TCF20: variants seen among roughly 807,000 people sequenced by gnomAD.
The protein encoded by TCF20 is SPRE-binding protein.
TCF20 carries 3 observed loss-of-function variants against 148.6 expected under a neutral mutation model. That is an observed-to-expected ratio of 0.02 (90% CI 0.01 to 0.05). TCF20 has a LOEUF of 0.05. Among genes scored for constraint, TCF20 ranks in the 10% least tolerant of loss-of-function variants. The probability of loss-of-function intolerance (pLI) is 1.00; values close to 1 mark genes in which losing one functional copy is unlikely to be tolerated. For synonymous variants in TCF20, 1,049 were observed against 909.5 expected (o/e 1.15, Z -2.76); for missense variants, 2,350 against 2,429.3 (o/e 0.97, Z 0.69).
chr22:42,175,753 AAG>A (rs1936409505), intron 3 of TCF20, among the ~76,000 whole-genome samples: 1 of 152,276 alleles, frequency 6.6e-6, no homozygotes, highest in South Asian at 2.1e-4. Flanking sequence ...TGGAGGAAAA[AAG>A]AGAACAGAAG....
intron 1 of TCF20, among the ~76,000 whole-genome samples, chr22:42,236,167 T>G (rs984291676): frequency 4.0e-5 from 6 of 151,686 alleles, no homozygotes; most frequent in African/African-American, 1.5e-4. Flanking sequence ...GACAGTGAGA[T>G]TCCACTTCAA....
rs990419091 is a variant in TCF20 at position 42,163,694 on chromosome 22, G to T, written c.*45-2336C>A. Among the ~76,000 whole-genome samples the T allele has an allele frequency of 2.0e-5, 3 of 152,220 alleles. No homozygotes were observed. The East Asian group carries it at 5.8e-4, about 29-fold the overall frequency. ...GTATGCTAGGGCATGGGGTGTGGCT[G>T]AGAGACGGCTGGGTCCCCGACAGTG... On this transcript the variant is annotated intron_variant, in intron 5 of 5. Transcript: ENST00000677622.
Position 42,292,052 on chromosome 22 carries a change from C to G in TCF20, c.-37+51427G>C, listed in dbSNP as rs1035140812. Among the ~76,000 whole-genome samples the G allele has an allele frequency of 2.6e-5, 4 of 152,076 alleles. No homozygotes were observed. The highest frequency in any genetic ancestry group is 7.2e-5 in the African/African-American group (3 of 41,392). ...TCTCTGACCTGGGTAAAAGCAGGCA[C>G]CTCTCACACACCACCCCTCGTATGA... On this transcript the variant is annotated intron_variant, in intron 1 of 1. Coordinates refer to the TCF20 transcript ENST00000515426. This position sits in a 1 kb window ranked among gnomAD's most constrained non-coding sequence, Gnocchi z 4.9.
In TCF20 at chr22:42,160,652, A is replaced by AG. The variant is rs1298558042; in HGVS notation, c.*750_*751insC. 6.6e-6 allele frequency: 1 copy of AG among 152,102 alleles called. No individual in the cohort carries two copies. Among genetic ancestry groups the AG allele is most frequent in the African/African-American group, 2.4e-5 (1 of 41,122 alleles). 9.4% of individuals were successfully genotyped at this position (152,102 alleles called of 1,614,324 possible). A position where few individuals can be genotyped will look rare whatever the true frequency, so the allele number is the denominator to read the frequency against. On this transcript the variant is annotated 3_prime_UTR_variant, in exon 6 of 6. Transcript: ENST00000677622. ...AAAAAGAAAAAATTAAAAAAAAAAA[A>AG]CCATAAATAAATAGTGTTTCTGGAA... is the stretch of plus-strand genomic sequence containing the variant.
intron 2 of TCF20, among the ~76,000 whole-genome samples, chr22:42,189,056 G>A (rs1261591085): frequency 1.3e-5 from 2 of 152,188 alleles, no homozygotes; most frequent in Non-Finnish European, 2.9e-5. Flanking sequence ...AGCAGGCAGG[G>A]TGTAGGGAAC....
intron 1 of TCF20, among the ~76,000 whole-genome samples, chr22:42,230,805 GTGTT>G (rs139105986): frequency 0.021 from 3,215 of 152,194 alleles, 126 homozygotes; most frequent in African/African-American, 0.074. Flanking sequence ...GCTAATGCAT[GTGTT>G]TGTGTCTTAG....
rs536467579 is a variant in TCF20 at position 42,338,878 on chromosome 22, A to G, written c.-37+4601T>C. Among the ~76,000 whole-genome samples the G allele has an allele frequency of 2.4e-3, 361 of 152,276 alleles. 2 individuals are homozygous for G. Among genetic ancestry groups the G allele is most frequent in the Non-Finnish European group, 4.0e-3 (271 of 68,020 alleles). The stretch of plus-strand genomic sequence containing the variant: ...AATATAAAGGCTAAAATTCTGATTA[A>G]AGCCATAATCACGGAGATCTAAGGA... On this transcript the variant is annotated intron_variant, in intron 1 of 1. Coordinates refer to the TCF20 transcript ENST00000515426. The surrounding 1 kb of genome is among the most constrained non-coding windows in gnomAD (Gnocchi z 4.0).
intron 1 of TCF20, among the ~76,000 whole-genome samples, chr22:42,282,673 C>G (rs1282983657): frequency 6.6e-6 from 1 of 152,174 alleles, no homozygotes; most frequent in African/African-American, 2.4e-5. Flanking sequence ...AACGGTGACC[C>G]TGGCTGGGGG....
At chr22:42,282,028 T>C (rs1050099187) in intron 1 of TCF20, among the ~76,000 whole-genome samples, 2 of 152,186 alleles carry the variant, frequency 1.3e-5, no homozygotes, top group Non-Finnish European at 2.9e-5. Context: ...CAAGTCCACC[T>C]GAGAGAAGGA....
intron 3 of TCF20, among the ~76,000 whole-genome samples, chr22:42,172,373 T>C (rs1936183811): frequency 6.6e-6 from 1 of 152,194 alleles, no homozygotes; most frequent in East Asian, 1.9e-4. Context: ...TGCACCTACA[T>C]GGCCAGCCAG....
chr22:42,259,856 C>T (rs1337580415), intron 1 of TCF20, among the ~76,000 whole-genome samples: 1 of 152,214 alleles, frequency 6.6e-6, no homozygotes, highest in Non-Finnish European at 1.5e-5. Flanking sequence ...TAAATTCAGG[C>T]TGTTCATGGA....
chr22:42,244,238 A>G (rs765785198), intron 1 of TCF20, among the ~76,000 whole-genome samples: 1 of 152,224 alleles, frequency 6.6e-6, no homozygotes, highest in Non-Finnish European at 1.5e-5. Context: ...TGGTTCTTCA[A>G]AAAGTTGAAT....
chr22:42,214,766 G>A lies in TCF20; in HGVS notation c.540C>T (p.Val180=), dbSNP rs1921521035. 2 of 1,613,892 alleles carry A rather than the reference G, an allele frequency of 1.2e-6. No homozygotes were observed. Among genetic ancestry groups the A allele is most frequent in the Non-Finnish European group, 1.7e-6 (2 of 1,179,978 alleles). The part of the protein sequence containing the change: ...QASSQQQQQQ[V]QQLRQQLYQS... ...GGTAAAGCTGTTGTCTCAACTGCTG[G>A]ACTTGCTGCTGCTGCTGCTGGCTGG... The change falls in exon 2 of 6, where the codon GTC becomes GTT. Residue 180 remains valine (V), a synonymous_variant. Coordinates refer to ENST00000677622, the MANE Select transcript of TCF20 (RefSeq NM_001378418.1).
chr22:42,211,362 T>A lies in TCF20; in HGVS notation c.3944A>T (p.Asp1315Val). ...TGGACTTGGAAGGTCCTTGGAGGAA[T>A]CTCTCTTAGGGATAGACTTGATATC... is the stretch of plus-strand genomic sequence containing the variant. The part of the protein sequence containing the change: ...SQDIKSIPKR[D>V]SSKDLPSPDS... Residue 1315 changes from aspartate (D) to valine (V), a missense_variant, in exon 2 of 6, where the codon GAT becomes GTT. Asp to Val is a radical substitution (Grantham distance 152). Transcript: ENST00000677622. 6.2e-7 allele frequency: 1 copy of A among 1,614,166 alleles called. No homozygotes were observed. Among genetic ancestry groups the A allele is most frequent in the Non-Finnish European group, 8.5e-7 (1 of 1,180,018 alleles).
intron 2 of TCF20, among the ~76,000 whole-genome samples, chr22:42,198,966 C>G (rs1569131131): frequency 2.0e-5 from 3 of 152,132 alleles, no homozygotes. Flanking sequence ...CGCCCTGCCC[C>G]CTCCAAATAT....
In TCF20 at chr22:42,212,560, A is replaced by T; in HGVS notation, c.2746T>A (p.Ser916Thr). ...QSVILPGGLV[S>T]METKLKSQSG... ...TGGGATTTCAGCTTGGTTTCCATGG[A>T]CACCAAACCACCAGGAAGAATGACC... The change falls in exon 2 of 6, where the codon TCC becomes ACC. Residue 916 changes from serine to threonine, a missense_variant. By Grantham distance (58) the Ser-to-Thr change is moderately conservative. Around this residue, in one of 7 missense-constraint regions of TCF20, gnomAD observed 1,641 missense variants for 1,662.6 expected, o/e 0.99. Transcript: ENST00000677622. The T allele has an allele frequency of 6.2e-7, 1 of 1,613,934 alleles. No homozygotes were observed. The highest frequency in any genetic ancestry group is 8.5e-7 in the Non-Finnish European group (1 of 1,179,830).
chr22:42,282,874 T>C (rs555938972), intron 1 of TCF20, among the ~76,000 whole-genome samples: 42 of 144,424 alleles, frequency 2.9e-4, no homozygotes, highest in African/African-American at 8.1e-4. Context: ...ACACGCCAGA[T>C]AGAAAAAAAG....
At chr22:42,342,993 G>C (rs530945659) in intron 1 of TCF20, among the ~76,000 whole-genome samples, 1 of 152,356 alleles carries the variant, frequency 6.6e-6, no homozygotes, top group East Asian at 1.9e-4. Context: ...GGAGGAAAAA[G>C]AGCAAGGCTG....
intron 2 of TCF20, among the ~76,000 whole-genome samples, chr22:42,185,222 C>T (rs1397631910): frequency 1.3e-5 from 2 of 152,204 alleles, no homozygotes; most frequent in Non-Finnish European, 2.9e-5. Flanking sequence ...GCAGATTACC[C>T]TCCACTACTG....
Sources: gnomAD v4.1 joint callset for allele counts (sites outside exome capture counted in the v4.1 genomes callset) on GRCh38, gnomAD v4.1.1 for gene constraint, gnomAD v4.1.1 regional missense constraint, Gnocchi (gnomAD v3.1) non-coding constraint, MANE v1.5 for transcripts, NCBI Gene and HGNC (gene_info 2026-07-23, HGNC 2026-07-21) for gene names.